The following ERBB4 variants were observed in gnomAD, a reference collection of about 807,000 sequenced individuals.
ERBB4 encodes the protein erb-b2 receptor tyrosine kinase 4, also known as receptor tyrosine-protein kinase erbB-4.
In ERBB4, 42 loss-of-function variants were observed where a neutral mutation model predicts 158.0. That is an observed-to-expected ratio of 0.27 (90% CI 0.21 to 0.34). The LOEUF is 0.34. ERBB4 is among the 10% of genes least tolerant of loss of function. ERBB4 has a pLI of 1.00. For missense variants in ERBB4, 1,333 were observed against 1,624.1 expected, an observed-to-expected ratio of 0.82 and a Z score of 3.08; for synonymous variants, 583 against 558.7, an observed-to-expected ratio of 1.04 and a Z score of -0.61.
chr2:211,567,553 T>A (rs2067586924), intron 19 of ERBB4, among the ~76,000 whole-genome samples: 1 of 152,110 alleles, frequency 6.6e-6, no homozygotes, highest in Non-Finnish European at 1.5e-5. Context: ...AGAAGAAAGA[T>A]TTTGGGGTTA....
intron 3 of ERBB4, among the ~76,000 whole-genome samples, chr2:211,789,465 C>T (rs2076235389): frequency 6.6e-6 from 1 of 152,102 alleles, no homozygotes; most frequent in African/African-American, 2.4e-5. Context: ...GATGAAGTCA[C>T]AAGAGCAAGC....
At chr2:211,959,488 G>GA (rs972434868) in intron 2 of ERBB4, among the ~76,000 whole-genome samples, 28 of 149,906 alleles carry the variant, frequency 1.9e-4, no homozygotes, top group Middle Eastern at 3.4e-3. Flanking sequence ...TTCCATTTTG[G>GA]AAAAAAAAAT....
Position 212,464,892 on chromosome 2 carries a change from T to TCTCACA in ERBB4, c.82+73556_82+73557insTGTGAG, listed in dbSNP as rs1252384791. ...TGCAATCTATTTAGAAAGGGAAACA[T>TCTCACA]CACACACACACACACACACACACAC... On this transcript the variant is annotated intron_variant, in intron 1 of 27. Coordinates refer to ENST00000342788, the MANE Select transcript of ERBB4 (RefSeq NM_005235.3). Among the ~76,000 whole-genome samples, 78 of 146,140 alleles carry TCTCACA rather than the reference T, an allele frequency of 5.3e-4. 1 individual carries two copies. Among genetic ancestry groups the TCTCACA allele is most frequent in the African/African-American group, 1.9e-3 (74 of 39,998 alleles).
intron 1 of ERBB4, among the ~76,000 whole-genome samples, chr2:212,248,703 T>C (rs1341358969): frequency 6.6e-6 from 1 of 152,106 alleles, no homozygotes; most frequent in Non-Finnish European, 1.5e-5. Context: ...TACTCAGCAT[T>C]GTCATCAAAA....
At chr2:211,926,417 T>C (rs993149167) in intron 3 of ERBB4, among the ~76,000 whole-genome samples, 7 of 152,190 alleles carry the variant, frequency 4.6e-5, no homozygotes, top group African/African-American at 1.7e-4. Flanking sequence ...CTTGCCCTAA[T>C]TAAAACATAT....
At chr2:212,340,981 G>T (rs2088682097) in intron 1 of ERBB4, among the ~76,000 whole-genome samples, 1 of 152,040 alleles carries the variant, frequency 6.6e-6, no homozygotes, top group Non-Finnish European at 1.5e-5. Context: ...GGTATATGTA[G>T]GGCTCTTTGC....
intron 2 of ERBB4, among the ~76,000 whole-genome samples, chr2:212,015,028 T>A (rs1223028636): frequency 4.4e-4 from 2 of 4,510 alleles, no homozygotes; most frequent in Admixed American, 7.6e-3. Context: ...CCGTCTCTAC[T>A]AAAAAAAAAA....
chr2:211,618,043 T>A (rs1400698982), intron 19 of ERBB4, among the ~76,000 whole-genome samples: 1 of 152,088 alleles, frequency 6.6e-6, no homozygotes, highest in African/African-American at 2.4e-5. Flanking sequence ...GGGGAAATCT[T>A]CAAGTTCTGA....
chr2:211,885,891 ACT>A (rs1297148398), intron 3 of ERBB4, among the ~76,000 whole-genome samples: 1 of 152,176 alleles, frequency 6.6e-6, no homozygotes, highest in Non-Finnish European at 1.5e-5. Context: ...ATGAAATATA[ACT>A]CTCAGTATTT....
chr2:211,871,507 TA>T (rs547311934), intron 3 of ERBB4, among the ~76,000 whole-genome samples: 2,910 of 139,682 alleles, frequency 0.021, 75 homozygotes, highest in African/African-American at 0.062. Flanking sequence ...GCTTTGGCAT[TA>T]AAAAAAAAAA....
intron 4 of ERBB4, among the ~76,000 whole-genome samples, chr2:211,776,769 T>G (rs749339755): frequency 6.6e-6 from 1 of 152,174 alleles, no homozygotes; most frequent in East Asian, 1.9e-4. Context: ...AATTTGAATA[T>G]GGTTGATTTA....
chr2:211,636,498 T>C (rs1216492027), intron 16 of ERBB4, among the ~76,000 whole-genome samples: 2 of 152,014 alleles, frequency 1.3e-5, no homozygotes, highest in Admixed American at 6.6e-5. Context: ...TCAAGATCAT[T>C]TCTAGCATTA....
intron 4 of ERBB4, among the ~76,000 whole-genome samples, chr2:211,760,001 A>G (rs183443758): frequency 6.6e-6 from 1 of 152,318 alleles, no homozygotes; most frequent in African/African-American, 2.4e-5. Flanking sequence ...TCAATTAACT[A>G]TTTTGCCTTA....
At chr2:212,381,148 A>T (rs1029753769) in intron 1 of ERBB4, among the ~76,000 whole-genome samples, 3 of 151,440 alleles carry the variant, frequency 2.0e-5, no homozygotes, top group Admixed American at 6.6e-5. Flanking sequence ...AGCTTAAAAC[A>T]TTATTTATAT....
chr2:211,972,188 G>C (rs768274410), intron 2 of ERBB4, among the ~76,000 whole-genome samples: 1 of 151,648 alleles, frequency 6.6e-6, no homozygotes, highest in Non-Finnish European at 1.5e-5. Context: ...TATGAATACA[G>C]CTGACTAGGT....
At chr2:211,668,470 G>C (rs1160257364) in intron 14 of ERBB4, among the ~76,000 whole-genome samples, 2 of 152,080 alleles carry the variant, frequency 1.3e-5, no homozygotes, top group African/African-American at 4.8e-5. Flanking sequence ...ATTGATCAGT[G>C]CAATAATAGA....
At chr2:211,463,513 A>G (rs1230177065) in intron 20 of ERBB4, among the ~76,000 whole-genome samples, 1 of 152,158 alleles carries the variant, frequency 6.6e-6, no homozygotes, top group Non-Finnish European at 1.5e-5. Flanking sequence ...CATTACCCAG[A>G]TGGTAAAATT....
chr2:211,732,694 C>T (rs988986946), intron 5 of ERBB4, among the ~76,000 whole-genome samples: 1 of 152,172 alleles, frequency 6.6e-6, no homozygotes, highest in Non-Finnish European at 1.5e-5. Context: ...CATGGTGGCT[C>T]ACGCCTGTAA....
At chr2:211,946,182 A>G (rs1313317825) in intron 3 of ERBB4, among the ~76,000 whole-genome samples, 3 of 152,048 alleles carry the variant, frequency 2.0e-5, no homozygotes, top group African/African-American at 7.2e-5. Context: ...CCATTATTTC[A>G]TCAACTCTAT....
Sources: gnomAD v4.1 joint callset for allele counts (sites outside exome capture counted in the v4.1 genomes callset) on GRCh38, gnomAD v4.1.1 for gene constraint, MANE v1.5 for transcripts, NCBI Gene and HGNC (gene_info 2026-07-23, HGNC 2026-07-21) for gene names.